The following PRDM2 variants were observed in gnomAD, a reference collection of about 807,000 sequenced individuals.
The protein encoded by PRDM2 is PR/SET domain 2.
Under a neutral mutation model 130.0 loss-of-function variants are expected in PRDM2, and 30 were observed. The ratio of observed to expected loss-of-function variants is 0.23; its 90% confidence interval spans 0.17 to 0.31. The LOEUF is 0.31. Ranked by LOEUF, PRDM2 falls within the 10% of genes least tolerant of loss-of-function variation. The pLI is 1.00. For missense variants in PRDM2, 2,011 were observed against 2,108.4 expected (o/e 0.95, Z 0.90); for synonymous variants, 871 against 782.4 (o/e 1.11, Z -1.89).
chr1:13,819,193 G>C (rs912019265), intron 9 of PRDM2, among the ~76,000 whole-genome samples: 1 of 152,210 alleles, frequency 6.6e-6, no homozygotes, highest in African/African-American at 2.4e-5. Context: ...AGCTGGGCTG[G>C]CTTCCTAAAC....
chr1:13,737,797 G>A lies in PRDM2; in HGVS notation c.232-4208G>A, dbSNP rs575560264. On this transcript the variant is annotated intron_variant, in intron 4 of 9. Coordinates refer to ENST00000311066, the MANE Select transcript of PRDM2 (RefSeq NM_001393986.1). ...GTGTAAAAAAAAAAACTCTCTTTGG[G>A]AGTTTATTTATTCATTCATTTAACC... 1.3e-4 allele frequency among the ~76,000 whole-genome samples: 20 copies of A among 152,206 alleles called. No individual in the cohort carries two copies. In the South Asian group the frequency reaches 4.1e-3, roughly 32 times the overall value.
At chr1:13,785,789 C>T (rs1644721494) in intron 8 of PRDM2, among the ~76,000 whole-genome samples, 1 of 149,888 alleles carries the variant, frequency 6.7e-6, no homozygotes, top group Admixed American at 6.6e-5. Context: ...CTACTCACCT[C>T]CTACTCATCT....
chr1:13,768,118 C>T (rs1237801254), intron 6 of PRDM2, among the ~76,000 whole-genome samples: 1 of 134,960 alleles, frequency 7.4e-6, no homozygotes. Context: ...CGCTCTGTTG[C>T]CCAGGCTGGA....
At chr1:13,770,856 A>G (rs1394962122) in intron 6 of PRDM2, among the ~76,000 whole-genome samples, 2 of 152,200 alleles carry the variant, frequency 1.3e-5, no homozygotes, top group African/African-American at 2.4e-5. Context: ...ATGGTAATAA[A>G]AGAAGCCGTG....
chr1:13,751,878 G>A (rs908176995), intron 6 of PRDM2, among the ~76,000 whole-genome samples: 2 of 152,124 alleles, frequency 1.3e-5, no homozygotes, highest in African/African-American at 2.4e-5. Flanking sequence ...ATCATAAGGC[G>A]TGTTTGGGTA....
chr1:13,732,438 A>G (rs1168812085), intron 3 of PRDM2, among the ~76,000 whole-genome samples: 1 of 152,186 alleles, frequency 6.6e-6, no homozygotes, highest in Non-Finnish European at 1.5e-5. Context: ...ACTCCATTCC[A>G]ATATTTTTTC....
At chr1:13,777,363 A>T (rs1192415616) in intron 7 of PRDM2, among the ~76,000 whole-genome samples, 1 of 151,852 alleles carries the variant, frequency 6.6e-6, no homozygotes, top group Non-Finnish European at 1.5e-5. Flanking sequence ...AACCAGAGTG[A>T]TTCTCTTGAA....
intron 8 of PRDM2, among the ~76,000 whole-genome samples, chr1:13,794,782 T>C (rs1428918787): frequency 6.6e-6 from 1 of 152,238 alleles, no homozygotes; most frequent in East Asian, 1.9e-4. Context: ...TGGCATGCCA[T>C]GTATAAGATT....
chr1:13,804,609 C>T (rs1023975480), intron 8 of PRDM2, among the ~76,000 whole-genome samples: 6 of 152,086 alleles, frequency 3.9e-5, no homozygotes, highest in African/African-American at 9.7e-5. Context: ...GAAATGATGC[C>T]GCTGGTCTGG....
intron 1 of PRDM2, among the ~76,000 whole-genome samples, chr1:13,708,077 A>G (rs1042764167): frequency 6.6e-6 from 1 of 152,198 alleles, no homozygotes; most frequent in Non-Finnish European, 1.5e-5. Context: ...ACAGCAATCA[A>G]TAATAAAGAA....
intron 9 of PRDM2, among the ~76,000 whole-genome samples, chr1:13,819,170 G>A (rs1332795261): frequency 6.6e-6 from 1 of 152,218 alleles, no homozygotes; most frequent in African/African-American, 2.4e-5. Context: ...CAGCCGGAGG[G>A]AGAGCCAGGT....
intron 8 of PRDM2, chr1:13,783,069 T>A (rs1444925925): frequency 3.7e-5 from 35 of 935,384 alleles, no homozygotes; most frequent in Non-Finnish European, 3.1e-6. Flanking sequence ...TGTGGCCAGA[T>A]GTAAATTGAA....
rs1340268937 is a variant in PRDM2, at chr1:13,743,164, C to T, written c.384+1007C>T. Among the ~76,000 whole-genome samples, 3 of 152,150 alleles carry T rather than the reference C, an allele frequency of 2.0e-5. No homozygotes were observed. The East Asian group carries it at 5.8e-4, about 29-fold the overall frequency. ...CCTGTAATCCCAGCGCTTTGGGAGG[C>T]CAAGGCGGGCGGATCATGAGGTCAG... On this transcript the variant is annotated intron_variant, in intron 5 of 9. Transcript: ENST00000311066.
Position 13,732,825 on chromosome 1 carries a change from A to C in PRDM2, c.174A>C (p.Pro58=). ...TTTTAAAAGGCAAAAAATTTGGGCC[A>C]TTTGTTGGTGATAAGAAAAAAAGAT... The part of the protein sequence containing the change: ...KPILKGKKFG[P]FVGDKKKRSQ... The change falls in exon 4 of 10, where the codon CCA becomes CCC. Residue 58 remains proline, a synonymous_variant. Transcript: ENST00000311066. The C allele has an allele frequency of 6.2e-7, 1 of 1,609,340 alleles. No individual in the cohort carries two copies. The highest frequency in any genetic ancestry group is 8.5e-7 in the Non-Finnish European group (1 of 1,178,224).
chr1:13,795,274 C>CCAT (rs1644905977), intron 8 of PRDM2, among the ~76,000 whole-genome samples: 3 of 152,166 alleles, frequency 2.0e-5, no homozygotes, highest in Admixed American at 1.3e-4. Flanking sequence ...AAAGGGCTTT[C>CCAT]CATGTATTAC....
intron 6 of PRDM2, chr1:13,772,054 C>T (rs1644371647): frequency 6.6e-6 from 1 of 151,908 alleles, no homozygotes. Context: ...TTTGATTTTA[C>T]TAATGCAGAG....
At chr1:13,747,730 T>C (rs1452441727) in intron 5 of PRDM2, among the ~76,000 whole-genome samples, 1 of 143,190 alleles carries the variant, frequency 7.0e-6, no homozygotes, top group Non-Finnish European at 1.5e-5. Flanking sequence ...AGTGAGGAAC[T>C]ATTTTGTTTC....
rs201210727 is a variant in PRDM2 at position 13,781,660 on chromosome 1, T to C, written c.3865T>C (p.Leu1289=). The change falls in exon 8 of 10, where the codon TTG becomes CTG. Residue 1289 remains leucine (L), a synonymous_variant. Transcript: ENST00000311066. The surrounding 1 kb of genome is among the most constrained non-coding windows in gnomAD (Gnocchi z 6.1). ...AAAGACAAAAGATCCAGATGTTCGA[T>C]TGGGCCTCAATCAGCATTACCCAAG... ...GIKTKDPDVR[L]GLNQHYPSFK... is the part of the protein sequence containing the mutation. 1.2e-6 allele frequency: 2 copies of C among 1,614,064 alleles called. No homozygotes were observed. Among genetic ancestry groups the C allele is most frequent in the Admixed American group, 1.7e-5 (1 of 60,026 alleles).
intron 8 of PRDM2, among the ~76,000 whole-genome samples, chr1:13,793,637 A>C (rs532524956): frequency 1.1e-4 from 17 of 151,996 alleles, no homozygotes; most frequent in Non-Finnish European, 1.8e-4. Context: ...TTTTTAAAAC[A>C]CTCCTAAAGG....
Sources: gnomAD v4.1 joint callset for allele counts (sites outside exome capture counted in the v4.1 genomes callset) on GRCh38, gnomAD v4.1.1 for gene constraint, Gnocchi (gnomAD v3.1) non-coding constraint, MANE v1.5 for transcripts, NCBI Gene and HGNC (gene_info 2026-07-23, HGNC 2026-07-21) for gene names.